The following PDE4C variants were observed in gnomAD, a reference collection of about 807,000 sequenced individuals.
PDE4C encodes the protein phosphodiesterase 4C.
Under a neutral mutation model 63.9 loss-of-function variants are expected in PDE4C, and 50 were observed. The observed-to-expected ratio is 0.78, with a 90% confidence interval of 0.62 to 0.99. The LOEUF (loss-of-function observed/expected upper bound fraction) is 0.99. Among genes scored for constraint, PDE4C ranks in the 50% least tolerant of loss-of-function variants. The pLI, the probability that PDE4C is intolerant of heterozygous loss-of-function variation, is 0.00. For synonymous variants in PDE4C, 377 were observed against 385.1 expected, an observed-to-expected ratio of 0.98 and a Z score of 0.25; for missense variants, 777 against 899.1, an observed-to-expected ratio of 0.86 and a Z score of 1.74.
At chr19:18,213,547 A>T in intron 12 of PDE4C, 57 bp from the exon 13 acceptor site, 1 of 1,539,506 alleles carries the variant, frequency 6.5e-7, no homozygotes, top group Non-Finnish European at 8.8e-7. Context: ...CCCAACCCTC[A>T]CTCCCAACTC....
chr19:18,253,991 G>T, the PDE4C span, among the ~76,000 whole-genome samples: 1 of 152,170 alleles, frequency 6.6e-6, no homozygotes, highest in Non-Finnish European at 1.5e-5. Context: ...CAGAAATGCG[G>T]AAATAACACA....
chr19:18,235,643 C>G (rs1326065710), upstream of PDE4C, among the ~76,000 whole-genome samples: 1 of 152,128 alleles, frequency 6.6e-6, no homozygotes, highest in East Asian at 1.9e-4. Context: ...TGCTCCACAA[C>G]AGCAACCACA....
upstream of PDE4C, among the ~76,000 whole-genome samples, chr19:18,229,603 G>A (rs1968809114): frequency 6.6e-6 from 1 of 152,054 alleles, no homozygotes; most frequent in Non-Finnish European, 1.5e-5. Flanking sequence ...CTCTGGGCAG[G>A]CACTTTTCTC....
intron 12 of PDE4C, among the ~76,000 whole-genome samples, chr19:18,215,803 G>A (rs942573169): frequency 9.3e-5 from 14 of 150,060 alleles, no homozygotes; most frequent in Admixed American, 3.3e-4. Context: ...CTGAGCCACC[G>A]TGCCTGGCTG....
At chr19:18,243,597 T>C (rs1051530772) in intron 1 of PDE4C, among the ~76,000 whole-genome samples, 5 of 152,192 alleles carry the variant, frequency 3.3e-5, no homozygotes, top group African/African-American at 7.2e-5. Context: ...GCTGAATGTT[T>C]GGATCTGGAA....
chr19:18,251,810 T>C (rs1180659087), upstream of PDE4C, among the ~76,000 whole-genome samples: 14 of 150,918 alleles, frequency 9.3e-5, no homozygotes, highest in Admixed American at 9.4e-4. Flanking sequence ...CCCAAATACA[T>C]AATGTATAAC....
At chr19:18,226,479 G>A (rs1244548715), upstream of PDE4C, 3 of 1,303,534 alleles carry the variant, frequency 2.3e-6, no homozygotes, top group Non-Finnish European at 2.9e-6. Context: ...GGACAGCTGC[G>A]GGGGCGGGGC....
At chr19:18,211,161 C>T (rs868245603) in exon 15 of PDE4C, 1 of 1,614,144 alleles carries the variant, frequency 6.2e-7, no homozygotes, top group Admixed American at 1.7e-5. Flanking sequence ...GGGGATCTTG[C>T]TCTGGTACCA....
In PDE4C at chr19:18,220,719, AGT is replaced by A; in HGVS notation, c.499+153_499+154del. The A allele has an allele frequency of 1.2e-6, 1 of 813,588 alleles. No homozygotes were observed. The highest frequency in any genetic ancestry group is 1.6e-5 in the South Asian group (1 of 63,202). 50.4% of individuals were successfully genotyped at this position (813,588 alleles called of 1,614,324 possible). On this transcript the variant is annotated intron_variant, in intron 5 of 14. Transcript: ENST00000262805. This position sits in a 1 kb window ranked among gnomAD's most constrained non-coding sequence, Gnocchi z 5.1. ...CCTCAGCCTCCTCATCTGTAATATG[AGT>A]GTGGTGGGGTCCATCCCCGAGGGCG...
At chr19:18,232,762 A>G (rs1446680058) in intron 1 of PDE4C, among the ~76,000 whole-genome samples, 3 of 152,040 alleles carry the variant, frequency 2.0e-5, no homozygotes, top group South Asian at 2.1e-4. Context: ...ACAGACCCAC[A>G]AGCCATGATG....
intron 7 of PDE4C, 86 bp from the exon 8 acceptor site, chr19:18,219,483 G>A (rs1001151083): frequency 2.1e-6 from 3 of 1,428,028 alleles, no homozygotes; most frequent in Non-Finnish European, 2.8e-6. Flanking sequence ...CCAAACCCCA[G>A]AATCAACCTA....
chr19:18,248,929 G>A (rs370801134), upstream of PDE4C, among the ~76,000 whole-genome samples: 1 of 151,836 alleles, frequency 6.6e-6, no homozygotes, highest in East Asian at 1.9e-4. Flanking sequence ...GGAGGCTGAA[G>A]CAGGAGAATC....
At chr19:18,252,523 G>T, upstream of PDE4C, 1 of 398,858 alleles carries the variant, frequency 2.5e-6, no homozygotes, top group South Asian at 1.3e-4. Flanking sequence ...CCAGCACTTT[G>T]AGAGGTCAAG....
intron 1 of PDE4C, chr19:18,232,866 A>T: frequency 1.7e-6 from 2 of 1,180,754 alleles, no homozygotes; most frequent in East Asian, 3.1e-5. Flanking sequence ...CGCCCCCTGG[A>T]GAAGCAAGGA....
At chr19:18,238,387 C>T (rs1241336042), upstream of PDE4C, among the ~76,000 whole-genome samples, 1 of 151,680 alleles carries the variant, frequency 6.6e-6, no homozygotes, top group Non-Finnish European at 1.5e-5. Flanking sequence ...AGGTGCCCAC[C>T]ACCACGCCTG....
chr19:18,234,712 G>A (rs1286688809), upstream of PDE4C, among the ~76,000 whole-genome samples: 2 of 152,122 alleles, frequency 1.3e-5, no homozygotes, highest in African/African-American at 4.8e-5. Context: ...CACTCAACAA[G>A]GTCTTTCCCA....
At chr19:18,219,701 G>A in intron 7 of PDE4C, 1 of 293,330 alleles carries the variant, frequency 3.4e-6, no homozygotes, top group Non-Finnish European at 6.4e-6. Flanking sequence ...GCAGGCACCT[G>A]TAACCCCAGC....
chr19:18,244,913 G>A lies in PDE4C; in HGVS notation c.-210+3258C>T, dbSNP rs559081941. 2.0e-5 allele frequency among the ~76,000 whole-genome samples: 3 copies of A among 151,658 alleles called. 1 individual carries two copies. The South Asian group carries it at 6.2e-4, about 32-fold the overall frequency. On this transcript the variant is annotated intron_variant, in intron 1 of 15. Coordinates refer to the PDE4C transcript ENST00000594617. ...TGCAGTGGCGCGATATTGTCTCACT[G>A]CAACCTCTGCCTCCCAGGTTCAGGT...
intron 1 of PDE4C, among the ~76,000 whole-genome samples, chr19:18,242,340 GTGT>G (rs148166845): frequency 0.021 from 3,159 of 151,914 alleles, 117 homozygotes; most frequent in African/African-American, 0.072. Flanking sequence ...CCTGGGTGTG[GTGT>G]TGTGTGCCTG....
Sources: allele counts gnomAD v4.1 joint callset (sites outside exome capture counted in the v4.1 genomes callset), GRCh38; gene constraint gnomAD v4.1.1; non-coding constraint Gnocchi (gnomAD v3.1); transcripts MANE v1.5; gene names NCBI Gene and HGNC (gene_info 2026-07-23, HGNC 2026-07-21).